Variants in DGKI observed in about 807,000 individuals in gnomAD.
DGKI encodes DAG kinase iota.
DGKI carries 55 observed loss-of-function variants against 147.5 expected under a neutral mutation model. The ratio of observed to expected loss-of-function variants is 0.37; its 90% CI spans 0.30 to 0.47. DGKI has a LOEUF of 0.47. DGKI is among the 20% of genes least tolerant of loss of function. DGKI has a pLI of 1.00. For missense variants in DGKI, 1,007 were observed against 1,323.8 expected, an observed-to-expected ratio of 0.76 and a Z score of 3.71; for synonymous variants, 469 against 477.1, an observed-to-expected ratio of 0.98 and a Z score of 0.22.
At chr7:137,605,854 A>G (rs2128991683) in intron 10 of DGKI, among the ~76,000 whole-genome samples, 1 of 152,310 alleles carries the variant, frequency 6.6e-6, no homozygotes, top group Non-Finnish European at 1.5e-5. Context: ...GACAGTGAGT[A>G]AAAACATACA....
chr7:137,833,795 G>A (rs142582275), intron 1 of DGKI, among the ~76,000 whole-genome samples: 224 of 152,274 alleles, frequency 1.5e-3, no homozygotes, highest in Middle Eastern at 6.8e-3. Flanking sequence ...GCTTCCAAAG[G>A]CCTCATTGGT....
intron 2 of DGKI, among the ~76,000 whole-genome samples, chr7:137,689,256 C>T (rs1376799623): frequency 6.6e-6 from 1 of 152,192 alleles, no homozygotes; most frequent in Admixed American, 6.5e-5. Context: ...GCCTTTGGGT[C>T]TACAGTTAGA....
At chr7:137,758,600 C>G (rs1247529609) in intron 1 of DGKI, among the ~76,000 whole-genome samples, 1 of 152,052 alleles carries the variant, frequency 6.6e-6, no homozygotes, top group African/African-American at 2.4e-5. Flanking sequence ...GTAGGAGAAC[C>G]ACTTGAACCT....
intron 1 of DGKI, among the ~76,000 whole-genome samples, chr7:137,719,417 G>A (rs1413455691): frequency 6.6e-6 from 1 of 151,976 alleles, no homozygotes; most frequent in Non-Finnish European, 1.5e-5. Context: ...ACGTCCCCCT[G>A]GAACACAAAC....
intron 19 of DGKI, among the ~76,000 whole-genome samples, chr7:137,555,217 A>ATTATTTTCT (rs1818183749): frequency 6.6e-6 from 1 of 150,868 alleles, no homozygotes; most frequent in African/African-American, 2.4e-5. Context: ...CCTGGCCAAA[A>ATTATTTTCT]TTATTTTCTT....
chr7:137,667,400 T>C (rs1407069013), intron 3 of DGKI, among the ~76,000 whole-genome samples: 1 of 152,124 alleles, frequency 6.6e-6, no homozygotes, highest in African/African-American at 2.4e-5. Flanking sequence ...TCTTGGTGGC[T>C]TTCTCTAGTT....
chr7:137,840,355 C>T (rs533171151), intron 1 of DGKI, among the ~76,000 whole-genome samples: 16 of 152,312 alleles, frequency 1.1e-4, no homozygotes, highest in South Asian at 4.1e-4. Context: ...GAGTGACCTC[C>T]GGCTGGCTGG....
chr7:137,528,160 C>T (rs1408927153), intron 20 of DGKI, among the ~76,000 whole-genome samples: 2 of 152,170 alleles, frequency 1.3e-5, no homozygotes, highest in Non-Finnish European at 2.9e-5. Context: ...TTTCTAGCAG[C>T]TTTTCCCTTT....
At chr7:137,744,997 T>A (rs1002313174) in intron 1 of DGKI, among the ~76,000 whole-genome samples, 3 of 152,186 alleles carry the variant, frequency 2.0e-5, no homozygotes, top group African/African-American at 7.2e-5. Flanking sequence ...AAGGGTACTA[T>A]GTTCACTACT....
chr7:137,697,872 C>T (rs1474440127), intron 1 of DGKI, among the ~76,000 whole-genome samples: 1 of 151,860 alleles, frequency 6.6e-6, no homozygotes, highest in Non-Finnish European at 1.5e-5. Context: ...ATTCTCACTA[C>T]TCATGGTTCA....
chr7:137,701,003 C>T (rs1471896026), intron 1 of DGKI, among the ~76,000 whole-genome samples: 1 of 152,080 alleles, frequency 6.6e-6, no homozygotes, highest in Non-Finnish European at 1.5e-5. Context: ...TCATCCAGCC[C>T]AGCTTGTCTA....
intron 1 of DGKI, among the ~76,000 whole-genome samples, chr7:137,821,329 A>G (rs1797889519): frequency 6.6e-6 from 1 of 152,120 alleles, no homozygotes. Context: ...TGGAAGTCAC[A>G]GGGGGTGCCT....
chr7:137,556,632 G>A lies in DGKI; in HGVS notation c.1948-4064C>T, dbSNP rs140814417. Among the ~76,000 whole-genome samples, 150 of 152,262 alleles carry A rather than the reference G, an allele frequency of 9.9e-4. 3 individuals carry two copies. In the East Asian group the frequency reaches 0.024, roughly 24 times the overall value. ...AAAAACAGTACATGCAGACTTTTAT[G>A]CAGAAAACTTTAAAACTTTATTGAA... On this transcript the variant is annotated intron_variant, in intron 19 of 32. Coordinates refer to ENST00000614521, the MANE Select transcript of DGKI (RefSeq NM_001321708.2).
chr7:137,620,283 A>T (rs1312272188), intron 7 of DGKI, among the ~76,000 whole-genome samples: 2 of 152,174 alleles, frequency 1.3e-5, no homozygotes, highest in Non-Finnish European at 2.9e-5. Flanking sequence ...TTTACTTAAA[A>T]GTTTTAGAGT....
At chr7:137,583,166 C>A (rs1482268297) in intron 14 of DGKI, among the ~76,000 whole-genome samples, 1 of 151,996 alleles carries the variant, frequency 6.6e-6, no homozygotes, top group Non-Finnish European at 1.5e-5. Context: ...TAAGGAATGA[C>A]CCCACATGGA....
chr7:137,431,288 A>G (rs1813062283), intron 28 of DGKI, among the ~76,000 whole-genome samples: 1 of 151,222 alleles, frequency 6.6e-6, no homozygotes, highest in South Asian at 2.1e-4. Flanking sequence ...AATTGTCTTC[A>G]CTAGCGAGGG....
chr7:137,743,103 C>T (rs1795228179), intron 1 of DGKI, among the ~76,000 whole-genome samples: 1 of 152,088 alleles, frequency 6.6e-6, no homozygotes, highest in African/African-American at 2.4e-5. Flanking sequence ...ATATACGTAC[C>T]CAACATTGGA....
intron 27 of DGKI, among the ~76,000 whole-genome samples, chr7:137,451,025 TTAAAA>T (rs2128920579): frequency 6.6e-6 from 1 of 152,200 alleles, no homozygotes; most frequent in Non-Finnish European, 1.5e-5. Flanking sequence ...CTGGTAAAAA[TTAAAA>T]TATTTTCATA....
chr7:137,702,461 C>T (rs370800746), intron 1 of DGKI, among the ~76,000 whole-genome samples: 11 of 152,260 alleles, frequency 7.2e-5, no homozygotes, highest in Non-Finnish European at 7.4e-5. Context: ...GTAAAAACAA[C>T]GGCAATAATG....
Sources: gnomAD v4.1 joint callset for allele counts (sites outside exome capture counted in the v4.1 genomes callset) on GRCh38, gnomAD v4.1.1 for gene constraint, MANE v1.5 for transcripts, NCBI Gene and HGNC (gene_info 2026-07-23, HGNC 2026-07-21) for gene names.